Variants in PAAF1 observed in about 807,000 individuals in gnomAD.
PAAF1 encodes the protein proteasomal ATPase-associated factor 1.
In PAAF1, 46 loss-of-function variants were observed where a neutral mutation model predicts 52.8. The ratio of observed to expected loss-of-function variants is 0.87; its 90% CI spans 0.69 to 1.11. The LOEUF is 1.11. PAAF1 is among the 50% of genes most tolerant of loss of function. The pLI, the probability that PAAF1 is intolerant of heterozygous loss-of-function variation, is 0.00. For synonymous variants in PAAF1, 178 were observed against 172.8 expected (o/e 1.03, Z -0.24); for missense variants, 424 against 477.4 (o/e 0.89, Z 1.04).
At chr11:73,916,121 T>G (rs986887586) in intron 8 of PAAF1, among the ~76,000 whole-genome samples, 1 of 152,222 alleles carries the variant, frequency 6.6e-6, no homozygotes, top group Admixed American at 6.5e-5. Context: ...GCTACTTTAT[T>G]TAAGCCTGTT....
intron 8 of PAAF1, among the ~76,000 whole-genome samples, chr11:73,915,458 T>C (rs1382928477): frequency 1.3e-5 from 2 of 152,124 alleles, no homozygotes; most frequent in African/African-American, 2.4e-5. Context: ...AAAAATTGGC[T>C]GGGCATGGTG....
At chr11:73,897,211 G>C (rs1353396040) in intron 4 of PAAF1, among the ~76,000 whole-genome samples, 1 of 130,752 alleles carries the variant, frequency 7.6e-6, no homozygotes, top group Non-Finnish European at 1.6e-5. Context: ...CTCCCGGACG[G>C]GGCGGCTGGC....
intron 8 of PAAF1, 103 bp from the exon 9 acceptor site, chr11:73,916,442 A>C: frequency 1.4e-6 from 1 of 700,802 alleles, no homozygotes; most frequent in Non-Finnish European, 2.4e-6. Flanking sequence ...GGAAGGAAGA[A>C]AATATCTCAA....
chr11:73,925,081 G>T (rs563221556), intron 11 of PAAF1, among the ~76,000 whole-genome samples: 1 of 151,400 alleles, frequency 6.6e-6, no homozygotes, highest in African/African-American at 2.4e-5. Flanking sequence ...CTTGAACCTG[G>T]GAGGTGGAGG....
intron 6 of PAAF1, among the ~76,000 whole-genome samples, chr11:73,902,862 A>T (rs996292970): frequency 2.0e-5 from 3 of 152,100 alleles, no homozygotes; most frequent in Non-Finnish European, 4.4e-5. Flanking sequence ...ATGCCCGGCT[A>T]ATTTTTTTTT....
rs188086796 is a variant in PAAF1, at chr11:73,929,439, A to G, written c.*2077A>G. 6.6e-6 allele frequency: 1 copy of G among 152,340 alleles called. No homozygotes were observed. The highest frequency in any genetic ancestry group is 1.9e-4 in the East Asian group (1 of 5,192). The allele number at this position is 152,340 out of a possible 1,614,324, so 9.4% of individuals were successfully genotyped here. A position where few individuals can be genotyped will look rare whatever the true frequency, so the allele number is the denominator to read the frequency against. On this transcript the variant is annotated 3_prime_UTR_variant, in exon 12 of 12. Transcript: ENST00000310571. Reference sequence around the variant, plus strand: ...AAAAAGAAAATACTGCAATTCATTTAATATCTACTCTGTTCTAGATACTAT... The same window carrying G: ...AAAAAGAAAATACTGCAATTCATTTGATATCTACTCTGTTCTAGATACTAT...
Position 73,927,362 on chromosome 11 carries a change from A to G in PAAF1, c.1179A>G (p.Ter393TrpextTer9), listed in dbSNP as rs747463138. Residue 393 changes from the stop codon to tryptophan (W), a stop_lost, in exon 12 of 12, where the codon TGA becomes TGG. Coordinates refer to ENST00000310571, the MANE Select transcript of PAAF1 (RefSeq NM_025155.3). ...GACGCTACCAGCTTTCTGACCTCTGACTTCTTGGAAAGAGCAGTCCCGGTT... is the reference window on the plus strand; with the variant it reads ...GACGCTACCAGCTTTCTGACCTCTGGCTTCTTGGAAAGAGCAGTCCCGGTT... ...LVRRYQLSDL[*>W] 1.2e-6 allele frequency: 2 copies of G among 1,613,142 alleles called. No individual in the cohort carries two copies. The highest frequency in any genetic ancestry group is 1.7e-6 in the Non-Finnish European group (2 of 1,179,266).
At chr11:73,908,704 A>G (rs971142055) in intron 6 of PAAF1, among the ~76,000 whole-genome samples, 3 of 151,918 alleles carry the variant, frequency 2.0e-5, no homozygotes, top group Non-Finnish European at 4.4e-5. Context: ...TGGCCAAGGC[A>G]GTGATTTTCA....
chr11:73,897,119 C>T (rs532305709), intron 4 of PAAF1, among the ~76,000 whole-genome samples: 1,951 of 134,732 alleles, frequency 0.014, 22 homozygotes, highest in Middle Eastern at 0.018. Context: ...CCTCACTTCC[C>T]AGTAGGGGCG....
chr11:73,926,762 A>G (rs1448910222), intron 11 of PAAF1, among the ~76,000 whole-genome samples: 1 of 152,170 alleles, frequency 6.6e-6, no homozygotes, highest in Non-Finnish European at 1.5e-5. Flanking sequence ...GAATCAACAC[A>G]TTTCCATTGT....
intron 6 of PAAF1, among the ~76,000 whole-genome samples, chr11:73,900,790 G>A (rs1040291441): frequency 2.6e-5 from 4 of 151,808 alleles, no homozygotes; most frequent in South Asian, 2.1e-4. Flanking sequence ...AGACCATCCC[G>A]GCTAAAACGG....
rs1229892287 is a variant in PAAF1 at position 73,877,001 on chromosome 11, G to A, written c.-21G>A. The A allele has an allele frequency of 1.3e-6, 2 of 1,525,440 alleles. No individual in the cohort carries two copies. Among genetic ancestry groups the A allele is most frequent in the Admixed American group, 2.1e-5 (1 of 47,712 alleles). The allele number at this position is 1,525,440 out of a possible 1,614,324, so 94.5% of individuals were successfully genotyped here. A position where few individuals can be genotyped will look rare whatever the true frequency, so the allele number is the denominator to read the frequency against. On this transcript the variant is annotated 5_prime_UTR_variant, in exon 1 of 12. Transcript: ENST00000310571. Reference sequence around the variant, plus strand: ...TTCCGGGAAGGGGCGGAAGAGGTGGGCTGGTGGAGGCGGGGTCGAGATGGC... The same window carrying A: ...TTCCGGGAAGGGGCGGAAGAGGTGGACTGGTGGAGGCGGGGTCGAGATGGC...
At chr11:73,917,114 G>A (rs1056235492) in intron 9 of PAAF1, among the ~76,000 whole-genome samples, 6 of 152,050 alleles carry the variant, frequency 3.9e-5, no homozygotes, top group African/African-American at 7.2e-5. Flanking sequence ...TTTGCCTCCC[G>A]GGTTCAAGCA....
At chr11:73,915,908 A>T (rs1435990343) in intron 8 of PAAF1, among the ~76,000 whole-genome samples, 1 of 152,150 alleles carries the variant, frequency 6.6e-6, no homozygotes, top group African/African-American at 2.4e-5. Context: ...TTTTGCTAAT[A>T]TCGCCTTTGT....
At position 73,919,147 on chromosome 11, in the gene PAAF1, CA is replaced by C. The variant is rs371075483; in HGVS notation, c.1018+116del. ...GGCATGGTCCCCCATGATTCTTTGG[CA>C]TATTGTACCTATCAATAGTGTTTAT... On this transcript the variant is annotated intron_variant, in intron 10 of 11. Coordinates refer to ENST00000310571, the MANE Select transcript of PAAF1 (RefSeq NM_025155.3). 8.6e-6 allele frequency: 7 copies of C among 818,444 alleles called. No individual in the cohort carries two copies. The African/African-American group carries it at 1.2e-4, about 14-fold the overall frequency. The allele number at this position is 818,444 out of a possible 1,614,324, so 50.7% of individuals were successfully genotyped here.
intron 4 of PAAF1, among the ~76,000 whole-genome samples, chr11:73,896,080 G>A (rs1412268027): frequency 6.6e-6 from 1 of 152,100 alleles, no homozygotes; most frequent in African/African-American, 2.4e-5. Context: ...CTGCACTTCA[G>A]CCTGAGCAAC....
At chr11:73,882,710 C>T (rs1195194178) in intron 2 of PAAF1, among the ~76,000 whole-genome samples, 4 of 152,106 alleles carry the variant, frequency 2.6e-5, no homozygotes, top group African/African-American at 9.7e-5. Flanking sequence ...TCATGCCATT[C>T]TTCTGCCTCA....
intron 6 of PAAF1, 28 bp downstream of exon 6, chr11:73,900,448 T>C: frequency 6.6e-7 from 1 of 1,524,852 alleles, no homozygotes; most frequent in Middle Eastern, 1.8e-4. Context: ...TCCAAAAGGC[T>C]TCTCTAATGA....
chr11:73,888,558 ATTTTTTG>A (rs1245655223), intron 3 of PAAF1, among the ~76,000 whole-genome samples: 1 of 152,094 alleles, frequency 6.6e-6, no homozygotes, highest in Non-Finnish European at 1.5e-5. Flanking sequence ...TTCATTTTTC[ATTTTTTG>A]TGTAATTAAA....
Sources: allele counts gnomAD v4.1 joint callset (sites outside exome capture counted in the v4.1 genomes callset), GRCh38; gene constraint gnomAD v4.1.1; transcripts MANE v1.5; gene names NCBI Gene and HGNC (gene_info 2026-07-23, HGNC 2026-07-21).